Variants in NRG3 observed in about 807,000 individuals in gnomAD.
NRG3 encodes neuregulin 3.
NRG3 carries 31 observed loss-of-function variants against 66.9 expected under a neutral mutation model. The ratio of observed to expected loss-of-function variants is 0.46; its 90% CI spans 0.35 to 0.63. The LOEUF is 0.63. Among genes scored for constraint, NRG3 ranks in the 20% least tolerant of loss-of-function variants. The probability of loss-of-function intolerance (pLI) is 0.00; values close to 1 mark genes in which losing one functional copy is unlikely to be tolerated. For missense variants in NRG3, 910 were observed against 878.9 expected (o/e 1.04, Z -0.45); for synonymous variants, 393 against 359.4 (o/e 1.09, Z -1.06).
At chr10:82,523,078 C>A (rs1590471159) in intron 2 of NRG3, among the ~76,000 whole-genome samples, 2 of 152,266 alleles carry the variant, frequency 1.3e-5, no homozygotes, top group Non-Finnish European at 2.9e-5. Context: ...AGGTTAATTT[C>A]TGTTATAGCA....
At chr10:82,879,613 C>G (rs1405467261) in intron 4 of NRG3, among the ~76,000 whole-genome samples, 1 of 152,028 alleles carries the variant, frequency 6.6e-6, no homozygotes, top group African/African-American at 2.4e-5. Flanking sequence ...GGTGGGACTA[C>G]AGGCGCCCGC....
At chr10:82,899,387 G>A (rs970651987) in intron 4 of NRG3, among the ~76,000 whole-genome samples, 2 of 152,028 alleles carry the variant, frequency 1.3e-5, no homozygotes, top group African/African-American at 2.4e-5. Context: ...TTAACAGTAT[G>A]AACAAAATCA....
At chr10:82,288,061 G>T (rs1022295616) in intron 1 of NRG3, among the ~76,000 whole-genome samples, 2 of 152,170 alleles carry the variant, frequency 1.3e-5, no homozygotes, top group South Asian at 2.1e-4. Context: ...GGGGAGCCCC[G>T]ATGGGGTCCC....
At chr10:81,896,447 C>G (rs1564639344) in intron 1 of NRG3, among the ~76,000 whole-genome samples, 1 of 152,132 alleles carries the variant, frequency 6.6e-6, no homozygotes, top group East Asian at 1.9e-4. Context: ...TTTTCTGAAG[C>G]ATTTCTCCCA....
chr10:81,930,080 G>A (rs943120729), intron 1 of NRG3, among the ~76,000 whole-genome samples: 13 of 152,170 alleles, frequency 8.5e-5, no homozygotes, highest in Non-Finnish European at 1.9e-4. Context: ...AGGGATTACA[G>A]GAGGAGTGAT....
At chr10:82,113,346 C>T (rs1052766013) in intron 1 of NRG3, among the ~76,000 whole-genome samples, 2 of 152,128 alleles carry the variant, frequency 1.3e-5, no homozygotes, top group South Asian at 2.1e-4. Context: ...CCAGAGCCCC[C>T]GCTCCTGATC....
intron 1 of NRG3, among the ~76,000 whole-genome samples, chr10:82,048,358 T>A (rs1267978810): frequency 6.6e-6 from 1 of 151,914 alleles, no homozygotes; most frequent in African/African-American, 2.4e-5. Context: ...AGTAAAGCTC[T>A]CCTCAGCAAA....
chr10:82,004,765 A>C (rs2133715390), intron 1 of NRG3, among the ~76,000 whole-genome samples: 1 of 152,326 alleles, frequency 6.6e-6, no homozygotes, highest in South Asian at 2.1e-4. Context: ...CTGTATGAGA[A>C]GTCTGGACAC....
At chr10:82,952,688 C>G (rs974441538) in intron 5 of NRG3, among the ~76,000 whole-genome samples, 1 of 151,772 alleles carries the variant, frequency 6.6e-6, no homozygotes, top group African/African-American at 2.4e-5. Context: ...TGTGTAATTG[C>G]TTTTCAGTGG....
At chr10:82,175,746 A>G (rs1178127808) in intron 1 of NRG3, among the ~76,000 whole-genome samples, 1 of 152,200 alleles carries the variant, frequency 6.6e-6, no homozygotes, top group Non-Finnish European at 1.5e-5. Context: ...TTGTCTGCCC[A>G]GTATGATGTC....
intron 1 of NRG3, among the ~76,000 whole-genome samples, chr10:82,239,268 G>A (rs913459413): frequency 1.3e-5 from 2 of 152,042 alleles, no homozygotes; most frequent in African/African-American, 2.4e-5. Context: ...TGAGATGGGA[G>A]TCTTGCCCTG....
rs145757550 is a variant in NRG3 at position 81,896,559 on chromosome 10, C to G, written c.823+20396C>G. Among the ~76,000 whole-genome samples the G allele has an allele frequency of 5.3e-3, 810 of 151,956 alleles. 2 individuals carry two copies. The highest frequency in any genetic ancestry group is 0.011 in the African/African-American group (437 of 41,424). ...TTGGAGAAAGCTAAAATTCATCTTA[C>G]TGACTTTTCAATCTCTCCTTATTTT... is the stretch of plus-strand genomic sequence containing the variant. On this transcript the variant is annotated intron_variant, in intron 1 of 8. Transcript: ENST00000372141.
In NRG3 at chr10:82,204,093, G is replaced by C. The variant is rs76271527; in HGVS notation, c.824-154646G>C. Reference sequence around the variant, plus strand: ...GTATCTTGATTCATTAAAGTTGACTGTACAATTTAATTCTGAGTACAGTGG... The same window carrying C: ...GTATCTTGATTCATTAAAGTTGACTCTACAATTTAATTCTGAGTACAGTGG... On this transcript the variant is annotated intron_variant, in intron 1 of 8. Coordinates refer to ENST00000372141, the MANE Select transcript of NRG3 (RefSeq NM_001010848.4). 8.7e-3 allele frequency among the ~76,000 whole-genome samples: 1,319 copies of C among 152,216 alleles called. 25 individuals are homozygous for C. Among genetic ancestry groups the C allele is most frequent in the African/African-American group, 0.031 (1,270 of 41,532 alleles).
At chr10:82,320,138 G>T (rs2081490886) in intron 1 of NRG3, among the ~76,000 whole-genome samples, 1 of 152,164 alleles carries the variant, frequency 6.6e-6, no homozygotes, top group African/African-American at 2.4e-5. Context: ...GCTCAGAAAT[G>T]ATTTCTTCTG....
intron 3 of NRG3, among the ~76,000 whole-genome samples, chr10:82,847,219 C>T (rs549875703): frequency 6.6e-6 from 1 of 152,218 alleles, no homozygotes; most frequent in South Asian, 2.1e-4. Context: ...TTCTGAAAGC[C>T]CCATTTGGAA....
At chr10:82,129,346 G>C (rs1362713759) in intron 1 of NRG3, among the ~76,000 whole-genome samples, 1 of 152,104 alleles carries the variant, frequency 6.6e-6, no homozygotes, top group Non-Finnish European at 1.5e-5. Context: ...TGCATGGTTA[G>C]TTTAAAGTTA....
chr10:82,418,801 A>G (rs977909308), intron 2 of NRG3, among the ~76,000 whole-genome samples: 1 of 151,552 alleles, frequency 6.6e-6, no homozygotes, highest in Non-Finnish European at 1.5e-5. Flanking sequence ...GAGTCTCCCT[A>G]TGTTGCCTAA....
intron 1 of NRG3, among the ~76,000 whole-genome samples, chr10:82,071,994 T>C (rs2064832182): frequency 6.6e-6 from 1 of 152,238 alleles, no homozygotes; most frequent in Non-Finnish European, 1.5e-5. Context: ...CCAGTCCTTC[T>C]GAATCCCATT....
At chr10:81,933,004 G>A (rs983939628) in intron 1 of NRG3, among the ~76,000 whole-genome samples, 2 of 151,512 alleles carry the variant, frequency 1.3e-5, no homozygotes, top group African/African-American at 4.9e-5. Context: ...AGCTACTTGG[G>A]AGGCTGAGGC....
Sources: gnomAD v4.1 joint callset for allele counts (sites outside exome capture counted in the v4.1 genomes callset) on GRCh38, gnomAD v4.1.1 for gene constraint, MANE v1.5 for transcripts, NCBI Gene and HGNC (gene_info 2026-07-23, HGNC 2026-07-21) for gene names.